The following HSPG2 variants were observed in gnomAD, a reference collection of about 807,000 sequenced individuals.
HSPG2 encodes basement membrane-specific heparan sulfate proteoglycan core protein.
In HSPG2, 278 loss-of-function variants were observed where a neutral mutation model predicts 526.6. That is an observed-to-expected ratio of 0.53 (90% CI 0.48 to 0.58). HSPG2 has a LOEUF of 0.58. Ranked by LOEUF, HSPG2 falls within the 20% of genes least tolerant of loss-of-function variation. The pLI, the probability that HSPG2 is intolerant of heterozygous loss-of-function variation, is 0.00. For synonymous variants in HSPG2, 2,465 were observed against 2,555.4 expected (o/e 0.96, Z 1.07); for missense variants, 5,354 against 6,099.5 (o/e 0.88, Z 4.07).
Position 21,854,329 on chromosome 1 carries a change from A to T in HSPG2, c.6303T>A (p.Arg2101=). Residue 2101 remains arginine (R), a synonymous_variant, in exon 50 of 97, where the codon CGT becomes CGA. Coordinates refer to ENST00000374695, the MANE Select transcript of HSPG2 (RefSeq NM_005529.7). ...LPPHTQVHGS[R]LRLPQVSPAD... ...CTGGTGAGACCTGGGGGAGCCGCAG[A>T]CGGGAGCCGTGCACCTGGGCCAGGA... is the stretch of plus-strand genomic sequence containing the variant. 3 of 1,570,678 alleles carry T rather than the reference A, an allele frequency of 1.9e-6. No homozygotes were observed. Among genetic ancestry groups the T allele is most frequent in the Non-Finnish European group, 2.6e-6 (3 of 1,157,574 alleles).
intron 1 of HSPG2, among the ~76,000 whole-genome samples, chr1:21,901,827 T>G (rs1449943544): frequency 6.6e-6 from 1 of 152,142 alleles, no homozygotes; most frequent in Non-Finnish European, 1.5e-5. Context: ...CCTGCCTCCC[T>G]GCCACGGTCA....
rs1272988415 is a variant in HSPG2, at chr1:21,895,132, G to A, written c.244+790C>T. 2.8e-5 allele frequency among the ~76,000 whole-genome samples: 1 copy of A among 35,938 alleles called. No individual in the cohort carries two copies. Among genetic ancestry groups the A allele is most frequent in the Non-Finnish European group, 1.3e-4 (1 of 7,742 alleles). 23.6% of individuals were successfully genotyped at this position (35,938 alleles called of 152,430 possible). ...GGTGAAGGCAGCCCTGGATGCCACG[G>A]GATGGCCCAGTAGTTGGTCTGACCT... On this transcript the variant is annotated intron_variant, in intron 3 of 96. Transcript: ENST00000374695. The surrounding 1 kb of genome is among the most constrained non-coding windows in gnomAD (Gnocchi z 4.1).
chr1:21,876,373 G>A lies in HSPG2; in HGVS notation c.2859C>T (p.Phe953=). The A allele has an allele frequency of 6.2e-7, 1 of 1,612,522 alleles. No individual in the cohort carries two copies. Among genetic ancestry groups the A allele is most frequent in the Non-Finnish European group, 8.5e-7 (1 of 1,179,350 alleles). Residue 953 remains phenylalanine, a synonymous_variant, in exon 23 of 97, where the codon TTC becomes TTT. Coordinates refer to ENST00000374695, the MANE Select transcript of HSPG2 (RefSeq NM_005529.7). ...GGGTGCTTGCGGCGTTGGTCAGGCT[G>A]AAGTGACCAGGCTCCTCAGAGGCCC... ...LHGASEEPGH[F]SLTNAASTHT...
rs1557707485 is a variant in HSPG2, at chr1:21,847,679, C to A, written c.8025+10G>T. ...GGTTCCACCCCCGCTGCTGTGGCTC[C>A]ACTCTGTACCTGGTGTCGGGAGGGA... On this transcript the variant is annotated intron_variant, in intron 61 of 96. Coordinates refer to ENST00000374695, the MANE Select transcript of HSPG2 (RefSeq NM_005529.7). The surrounding 1 kb of genome is among the most constrained non-coding windows in gnomAD (Gnocchi z 4.1). 1 of 1,605,824 alleles carries A rather than the reference C, an allele frequency of 6.2e-7. No homozygotes were observed. The highest frequency in any genetic ancestry group is 1.1e-5 in the South Asian group (1 of 89,964).
At chr1:21,841,391 C>A in intron 70 of HSPG2, 106 bp from the exon 71 acceptor site, 1 of 1,558,748 alleles carries the variant, frequency 6.4e-7, no homozygotes, top group Non-Finnish European at 8.8e-7. Context: ...CCTGTCTCCC[C>A]ACTGCACTGA....
intron 66 of HSPG2, 122 bp downstream of exon 66, chr1:21,843,175 G>A (rs2098056569): frequency 1.7e-5 from 24 of 1,432,552 alleles, no homozygotes; most frequent in Admixed American, 1.0e-4. Flanking sequence ...TTGATCCTCC[G>A]TGGTAGGAAA....
intron 1 of HSPG2, among the ~76,000 whole-genome samples, chr1:21,919,203 A>T (rs1276077861): frequency 6.6e-6 from 1 of 152,200 alleles, no homozygotes; most frequent in Non-Finnish European, 1.5e-5. Flanking sequence ...AGGCTGGCGG[A>T]TCACTTGAGG....
rs1640120997 is a variant in HSPG2, at chr1:21,865,072, T to A, written c.4397A>T (p.Glu1466Val). 1 of 1,562,366 alleles carries A rather than the reference T, an allele frequency of 6.4e-7. No individual in the cohort carries two copies. Among genetic ancestry groups the A allele is most frequent in the African/African-American group, 1.4e-5 (1 of 73,808 alleles). Residue 1466 changes from glutamate to valine, a missense_variant and splice_region_variant, in exon 36 of 97, where the codon GAA becomes GTA. Physicochemically the swap from Glu to Val is moderately radical, Grantham distance 121. Coordinates refer to ENST00000374695, the MANE Select transcript of HSPG2 (RefSeq NM_005529.7). The surrounding 1 kb of genome is among the most constrained non-coding windows in gnomAD (Gnocchi z 5.4). ...RRSYEIMFRE[E>V]FWRRPDGQPA... ...CTGCCCATCGGGCCGGCGCCAGAAT[T>A]CCTGGGTTGGGGGTGGCAACGTGGG...
In HSPG2 at chr1:21,887,962, C is replaced by T. The variant is rs747493118; in HGVS notation, c.679G>A (p.Asp227Asn). 1.2e-6 allele frequency: 2 copies of T among 1,614,174 alleles called. No individual in the cohort carries two copies. Among genetic ancestry groups the T allele is most frequent in the East Asian group, 4.5e-5 (2 of 44,886 alleles). The change falls in exon 7 of 97, where the codon GAC becomes AAC. Residue 227 changes from aspartate (D) to asparagine (N), a missense_variant. Transcript: ENST00000374695. This position sits in a 1 kb window ranked among gnomAD's most constrained non-coding sequence, Gnocchi z 5.0. ...YRCDRRPDCR[D>N]MSDELNCEEP... ...CCACAATTGAGCTCATCAGACATGT[C>T]CCTGCAGTCGGGCCGCCGGTCACAG...
rs113359364 is a variant in HSPG2, at chr1:21,876,737, A to T, written c.2686-85T>A. 390 of 1,573,370 alleles carry T rather than the reference A, an allele frequency of 2.5e-4. 1 individual carries two copies. In the African/African-American group the frequency reaches 4.6e-3, roughly 19 times the overall value. ...GCCGAATCCACCCTCAGTCCAGATA[A>T]GAACCCAAGACCCAGGGGAGCCACT... is the stretch of plus-strand genomic sequence containing the variant. On this transcript the variant is annotated intron_variant, in intron 21 of 96. Transcript: ENST00000374695.
intron 9 of HSPG2, 98 bp from the exon 10 acceptor site, chr1:21,885,549 C>T (rs1020849856): frequency 3.4e-5 from 48 of 1,409,310 alleles, no homozygotes; most frequent in African/African-American, 7.1e-5. Context: ...TAACCCACAG[C>T]GGCCCTCGCC....
Position 21,878,649 on chromosome 1 carries a change from CAAGT to C in HSPG2, c.2482_2485del (p.Thr828AlafsTer85). The stretch of plus-strand genomic sequence containing the variant: ...GGCTTGGCCATCCGTGTCCAGGAAG[CAAGT>C]GTCTGAGAATCTGCAGGTATCAAGT... On this transcript the variant is annotated frameshift_variant, in exon 19 of 97. Transcript: ENST00000374695. LOFTEE classifies it high-confidence loss of function. 6.2e-7 allele frequency: 1 copy of C among 1,614,104 alleles called. No homozygotes were observed. The highest frequency in any genetic ancestry group is 8.5e-7 in the Non-Finnish European group (1 of 1,180,008).
chr1:21,851,113 C>T (rs1352844595), intron 55 of HSPG2, among the ~76,000 whole-genome samples: 2 of 152,002 alleles, frequency 1.3e-5, no homozygotes, highest in Non-Finnish European at 2.9e-5. Flanking sequence ...GCTGGGATTA[C>T]AGGCGCCTGC....
At position 21,844,176 on chromosome 1, in the gene HSPG2, C is replaced by T. The variant is rs766365201; in HGVS notation, c.8588G>A (p.Arg2863His). Residue 2863 changes from arginine to histidine, a missense_variant, in exon 65 of 97, where the codon CGT (arginine) becomes CAT (histidine). Arg to His is a conservative substitution (Grantham distance 29). Transcript: ENST00000374695. ...GTGCCGGGCAGGGAGGTTTCCTCCA[C>T]GCTTGTGCCACGTGACCTGGGCGTG... Reference protein sequence around the residue: ...QAHAQVTWHKRGGNLPARHQV... With the variant: ...QAHAQVTWHKHGGNLPARHQV... The T allele has an allele frequency of 1.4e-5, 23 of 1,613,496 alleles. No individual in the cohort carries two copies. The highest frequency in any genetic ancestry group is 9.3e-5 in the African/African-American group (7 of 74,948).
rs746448959 is a variant in HSPG2 at position 21,884,878 on chromosome 1, T to C, written c.1396A>G (p.Ile466Val). The change falls in exon 12 of 97, where the codon ATC becomes GTC. Residue 466 changes from isoleucine (I) to valine (V), a missense_variant. Ile to Val is a conservative substitution (Grantham distance 29). Coordinates refer to ENST00000374695, the MANE Select transcript of HSPG2 (RefSeq NM_005529.7). ...TSEGGRGTLIIRDVKESDQGA... is the reference protein window; with the variant it reads ...TSEGGRGTLIVRDVKESDQGA... Reference sequence around the variant, plus strand: ...TGGTCTGACTCCTTCACATCACGGATGATCAGTGTGCCACGGCCACCCTCG... The same window carrying C: ...TGGTCTGACTCCTTCACATCACGGACGATCAGTGTGCCACGGCCACCCTCG... The C allele has an allele frequency of 3.1e-6, 5 of 1,613,976 alleles. No homozygotes were observed. The highest frequency in any genetic ancestry group is 1.1e-5 in the South Asian group (1 of 91,084).
chr1:21,934,628 C>A (rs1644435307), intron 1 of HSPG2, among the ~76,000 whole-genome samples: 1 of 151,106 alleles, frequency 6.6e-6, no homozygotes, highest in Non-Finnish European at 1.5e-5. Context: ...CAGAGTCTTG[C>A]TCTGTCGCCC....
rs1000339741 is a variant in HSPG2, at chr1:21,854,998, A to G, written c.5998-15T>C. On this transcript the variant is annotated splice_polypyrimidine_tract_variant and intron_variant, in intron 47 of 96. Transcript: ENST00000374695. ...TCTGACCGGGCCTGCCGTGGGTGAG[A>G]TGGGTCAGCTGCCCCAGAGGCAGCT... The G allele has an allele frequency of 6.2e-7, 1 of 1,611,056 alleles. No individual in the cohort carries two copies.
chr1:21,829,495 G>A lies in HSPG2; in HGVS notation c.11880C>T (p.Leu3960=), dbSNP rs757418467. Residue 3960 remains leucine, a synonymous_variant, in exon 87 of 97, where the codon CTC becomes CTT. Coordinates refer to ENST00000374695, the MANE Select transcript of HSPG2 (RefSeq NM_005529.7). ...TGAACAGCAGGACCCCGTCAGGGGCGAGTGGCTTGAACTCCACGTCCAGGC... is the reference window on the plus strand; with the variant it reads ...TGAACAGCAGGACCCCGTCAGGGGCAAGTGGCTTGAACTCCACGTCCAGGC... ...ELRLDVEFKP[L]APDGVLLFSG... is the part of the protein sequence containing the mutation. 2.4e-5 allele frequency: 38 copies of A among 1,613,102 alleles called. No individual in the cohort carries two copies. The highest frequency in any genetic ancestry group is 2.8e-5 in the Non-Finnish European group (33 of 1,179,842).
In HSPG2 at chr1:21,896,139, C is replaced by G. The variant is rs573451060; in HGVS notation, c.199+36G>C. On this transcript the variant is annotated intron_variant, in intron 2 of 96. Transcript: ENST00000374695. The stretch of plus-strand genomic sequence containing the variant: ...TGGGAAGAAGCACAGTCTCACCCCC[C>G]ACCCCTCTGCTCCCAGCCTTGGATC... 2.6e-5 allele frequency: 42 copies of G among 1,613,662 alleles called. No homozygotes were observed. The South Asian group carries it at 2.7e-4, about 11-fold the overall frequency.
Sources: gnomAD v4.1 joint callset for allele counts (sites outside exome capture counted in the v4.1 genomes callset) on GRCh38, gnomAD v4.1.1 for gene constraint, Gnocchi (gnomAD v3.1) non-coding constraint, MANE v1.5 for transcripts, NCBI Gene and HGNC (gene_info 2026-07-23, HGNC 2026-07-21) for gene names.